Variants in KNDC1 observed in about 807,000 individuals in gnomAD.
KNDC1 encodes kinase non-catalytic C-lobe domain containing 1, also known as kinase non-catalytic C-lobe domain-containing protein 1.
Under a neutral mutation model 172.8 loss-of-function variants are expected in KNDC1, and 106 were observed. That is an observed-to-expected ratio of 0.61 (90% CI 0.52 to 0.72). The LOEUF (loss-of-function observed/expected upper bound fraction) is 0.72, where lower values mean the gene tolerates loss of function less well. Among genes scored for constraint, KNDC1 ranks in the 30% least tolerant of loss-of-function variants. KNDC1 has a pLI of 0.00. For missense variants in KNDC1, 2,325 were observed against 2,394.5 expected, an observed-to-expected ratio of 0.97 and a Z score of 0.61; for synonymous variants, 1,083 against 1,062.2, an observed-to-expected ratio of 1.02 and a Z score of -0.38.
rs752843554 is a variant in KNDC1 at position 133,183,954 on chromosome 10, G to T, written c.590G>T (p.Arg197Met). Residue 197 changes from arginine to methionine, a missense_variant, in exon 5 of 30, where the codon AGG (arginine) becomes ATG (methionine). Transcript: ENST00000304613. The stretch of plus-strand genomic sequence containing the variant: ...CGGAGCCTCTCTGCTGTGGGGAGGA[G>T]GGTCCTCTCCATCGAGTCCTTCGGA... Reference protein sequence around the residue: ...VCRSLSAVGRRVLSIESFGAL... With the variant: ...VCRSLSAVGRMVLSIESFGAL... 1.3e-6 allele frequency: 2 copies of T among 1,599,374 alleles called. No homozygotes were observed. Among genetic ancestry groups the T allele is most frequent in the South Asian group, 1.1e-5 (1 of 90,302 alleles).
rs774311574 is a variant in KNDC1 at position 133,186,537 on chromosome 10, G to A, written c.1189G>A (p.Glu397Lys). 6.8e-6 allele frequency: 11 copies of A among 1,611,622 alleles called. No individual in the cohort carries two copies. Among genetic ancestry groups the A allele is most frequent in the African/African-American group, 2.7e-5 (2 of 74,888 alleles). ...PGVPGSPGQP[E>K]TSHPSQGPAE... The stretch of plus-strand genomic sequence containing the variant: ...GGTGCCCGGCAGTCCAGGACAGCCC[G>A]AGACTTCACACCCCAGCCAGGGGCC... The change falls in exon 6 of 30, where the codon GAG becomes AAG. Residue 397 changes from glutamate (E) to lysine (K), a missense_variant. By Grantham distance (56) the Glu-to-Lys change is moderately conservative. Transcript: ENST00000304613.
chr10:133,198,446 C>T lies in KNDC1; in HGVS notation c.2016C>T (p.Ser672=), dbSNP rs753633375. 8.3e-5 allele frequency: 133 copies of T among 1,603,812 alleles called. No homozygotes were observed. The South Asian group carries it at 1.2e-3, about 15-fold the overall frequency. ...EATQLPAAFT[S]EATHFKPIVL... Reference sequence around the variant, plus strand: ...CCCAGCTGCCTGCAGCGTTCACCTCCGAGGCCACGCACTTCAAGCCCATTG... The same window carrying T: ...CCCAGCTGCCTGCAGCGTTCACCTCTGAGGCCACGCACTTCAAGCCCATTG... Residue 672 remains serine, a synonymous_variant, in exon 13 of 30, where the codon TCC becomes TCT. Coordinates refer to ENST00000304613, the MANE Select transcript of KNDC1 (RefSeq NM_152643.8).
intron 23 of KNDC1, among the ~76,000 whole-genome samples, chr10:133,212,085 A>G (rs1237388722): frequency 6.6e-6 from 1 of 151,382 alleles, no homozygotes; most frequent in Non-Finnish European, 1.5e-5. Context: ...CCTTCACACA[A>G]TCCACACGTG....
chr10:133,198,486 G>C lies in KNDC1; in HGVS notation c.2056G>C (p.Ala686Pro), dbSNP rs370700626. The C allele has an allele frequency of 1.9e-6, 3 of 1,604,660 alleles. No individual in the cohort carries two copies. Among genetic ancestry groups the C allele is most frequent in the Non-Finnish European group, 2.6e-6 (3 of 1,175,168 alleles). Residue 686 changes from alanine (A) to proline (P), a missense_variant, in exon 13 of 30, where the codon GCA (alanine) becomes CCA (proline). Ala to Pro is a conservative substitution (Grantham distance 27). Coordinates refer to ENST00000304613, the MANE Select transcript of KNDC1 (RefSeq NM_152643.8). ...HFKPIVLAQNASVARDQPALA... is the reference protein window; with the variant it reads ...HFKPIVLAQNPSVARDQPALA... Reference sequence around the variant, plus strand: ...CAAGCCCATTGTCCTCGCGCAGAACGCAAGTGTGGCCAGGTGAGCATCGTC... The same window carrying C: ...CAAGCCCATTGTCCTCGCGCAGAACCCAAGTGTGGCCAGGTGAGCATCGTC...
chr10:133,164,702 G>A lies in KNDC1; in HGVS notation c.103-2679G>A, dbSNP rs375610077. Among the ~76,000 whole-genome samples the A allele has an allele frequency of 1.4e-3, 209 of 152,312 alleles. 3 individuals are homozygous for A. Among genetic ancestry groups the A allele is most frequent in the African/African-American group, 1.7e-3 (69 of 41,584 alleles). The stretch of plus-strand genomic sequence containing the variant: ...ACCTGGTAGCAAGGCTGAGAGCCCC[G>A]GGGTCTCCAAGGGCCCCTTCTGGAG... On this transcript the variant is annotated intron_variant, in intron 1 of 29. Coordinates refer to ENST00000304613, the MANE Select transcript of KNDC1 (RefSeq NM_152643.8).
At chr10:133,191,809 C>G (rs968520960) in intron 9 of KNDC1, among the ~76,000 whole-genome samples, 12 of 152,252 alleles carry the variant, frequency 7.9e-5, no homozygotes, top group African/African-American at 2.9e-4. Context: ...CCAAACCCCA[C>G]AGGAGCACTG....
chr10:133,195,798 C>T lies in KNDC1; in HGVS notation c.1711C>T (p.Pro571Ser). 1.3e-6 allele frequency: 2 copies of T among 1,578,350 alleles called. No homozygotes were observed. Among genetic ancestry groups the T allele is most frequent in the Non-Finnish European group, 1.7e-6 (2 of 1,162,884 alleles). Reference protein sequence around the residue: ...DMARRSAPERPSAAEAIKVCG... With the variant: ...DMARRSAPERSSAAEAIKVCG... ...GGCCAGGCGCAGTGCCCCGGAGCGGCCGTCCGCGGCTGAGGCCATCAAGGT... is the reference window on the plus strand; with the variant it reads ...GGCCAGGCGCAGTGCCCCGGAGCGGTCGTCCGCGGCTGAGGCCATCAAGGT... The change falls in exon 10 of 30, where the codon CCG (proline) becomes TCG (serine). Residue 571 changes from proline to serine, a missense_variant. Physicochemically the swap from Pro to Ser is moderately conservative, Grantham distance 74. Coordinates refer to ENST00000304613, the MANE Select transcript of KNDC1 (RefSeq NM_152643.8).
intron 3 of KNDC1, among the ~76,000 whole-genome samples, chr10:133,181,255 C>T (rs569030503): frequency 8.5e-5 from 13 of 152,360 alleles, no homozygotes; most frequent in South Asian, 6.2e-4. Flanking sequence ...AGCATCAGAG[C>T]GGAGGGGACG....
At position 133,219,885 on chromosome 10, in the gene KNDC1, G is replaced by T; in HGVS notation, c.4861-70G>T. The stretch of plus-strand genomic sequence containing the variant: ...CGCTGGGACTGGTTGGGCTGCGCTG[G>T]CCCCGGCTGAGGCTCCTGCACTGAC... On this transcript the variant is annotated intron_variant, in intron 28 of 29. Transcript: ENST00000304613. 5 of 1,451,090 alleles carry T rather than the reference G, an allele frequency of 3.4e-6. No homozygotes were observed. In the South Asian group the frequency reaches 5.4e-5, roughly 16 times the overall value. 89.9% of individuals were successfully genotyped at this position (1,451,090 alleles called of 1,614,324 possible).
chr10:133,213,783 C>A, intron 25 of KNDC1, 56 bp downstream of exon 25: 1 of 1,542,092 alleles, frequency 6.5e-7, no homozygotes, highest in South Asian at 1.1e-5. Context: ...GGGGGCTTCC[C>A]GTAAGAGTCT....
intron 21 of KNDC1, among the ~76,000 whole-genome samples, 161 bp downstream of exon 21, chr10:133,210,885 G>A (rs1487383686): frequency 1.3e-5 from 2 of 152,136 alleles, no homozygotes. Context: ...TGGAGGTGGA[G>A]GACACACAGG....
At chr10:133,214,581 C>T (rs1845439025) in intron 26 of KNDC1, among the ~76,000 whole-genome samples, 2 of 152,350 alleles carry the variant, frequency 1.3e-5, no homozygotes, top group African/African-American at 4.8e-5. Flanking sequence ...CACTCCACCC[C>T]AGGCCCCATC....
At chr10:133,211,951 A>G in intron 23 of KNDC1, 93 bp downstream of exon 23, 2 of 1,285,644 alleles carry the variant, frequency 1.6e-6, no homozygotes, top group Non-Finnish European at 2.1e-6. Context: ...ATGCACACAC[A>G]TACACACAAG....
intron 9 of KNDC1, among the ~76,000 whole-genome samples, chr10:133,195,310 G>C (rs12256986): frequency 2.6e-5 from 4 of 151,968 alleles, no homozygotes; most frequent in Admixed American, 2.6e-4. Context: ...GGGGGCTCCC[G>C]GGTCCGTGAG....
chr10:133,213,708 A>G lies in KNDC1; in HGVS notation c.4507A>G (p.Lys1503Glu). 1 of 1,613,988 alleles carries G rather than the reference A, an allele frequency of 6.2e-7. No individual in the cohort carries two copies. Among genetic ancestry groups the G allele is most frequent in the East Asian group, 2.2e-5 (1 of 44,852 alleles). Residue 1503 changes from lysine (K) to glutamate (E), a missense_variant, in exon 25 of 30, where the codon AAG becomes GAG. Transcript: ENST00000304613. ...LNSRALGVMD[K>E]STAIPKASSS... ...CTCACGGGCCCTGGGCGTCATGGAC[A>G]AGAGCACTGCCATCCCCAAGTGAGC...
Position 133,186,358 on chromosome 10 carries a change from T to C in KNDC1, c.1010T>C (p.Phe337Ser). ...GKSQLPISEL[F>S]SPDPRKAFLD... is the part of the protein sequence containing the mutation. ...AGCCAGCTGCCCATATCGGAATTAT[T>C]CTCTCCGGACCCCAGGAAGGCCTTT... The change falls in exon 6 of 30, where the codon TTC becomes TCC. Residue 337 changes from phenylalanine (F) to serine (S), a missense_variant. Transcript: ENST00000304613. 1.2e-6 allele frequency: 2 copies of C among 1,612,728 alleles called. No homozygotes were observed. Among genetic ancestry groups the C allele is most frequent in the Admixed American group, 3.3e-5 (2 of 60,018 alleles).
Position 133,186,665 on chromosome 10 carries a change from C to T in KNDC1, c.1317C>T (p.Ala439=), listed in dbSNP as rs766297714. 9 of 1,581,424 alleles carry T rather than the reference C, an allele frequency of 5.7e-6. No homozygotes were observed. Among genetic ancestry groups the T allele is most frequent in the Non-Finnish European group, 6.8e-6 (8 of 1,172,090 alleles). ...GAGCTAGGCAGCTGGAAAGTGCAGC[C>T]GCGGAGCAGGTGGGTGCCTGGGTCT... ...PEGARQLESA[A]AEQWVSLQDL... The change falls in exon 6 of 30, where the codon GCC becomes GCT. Residue 439 remains alanine, a synonymous_variant. Transcript: ENST00000304613.
chr10:133,172,483 G>T lies in KNDC1; in HGVS notation c.360+4171G>T, dbSNP rs74164111. 1.3e-3 allele frequency among the ~76,000 whole-genome samples: 194 copies of T among 152,270 alleles called. 1 individual carries two copies. The highest frequency in any genetic ancestry group is 4.4e-3 in the African/African-American group (184 of 41,530). ...GATTTACTAACGCTTGCTTCAGATT[G>T]TTGCGCATATTGGAGTGGACTGGCG... is the stretch of plus-strand genomic sequence containing the variant. On this transcript the variant is annotated intron_variant, in intron 3 of 29. Transcript: ENST00000304613.
intron 23 of KNDC1, among the ~76,000 whole-genome samples, chr10:133,212,333 C>T (rs1845386376): frequency 6.6e-6 from 1 of 152,242 alleles, no homozygotes; most frequent in African/African-American, 2.4e-5. Flanking sequence ...TCACATACCC[C>T]CTCCATGTTC....
Sources: allele counts gnomAD v4.1 joint callset (sites outside exome capture counted in the v4.1 genomes callset), GRCh38; gene constraint gnomAD v4.1.1; transcripts MANE v1.5; gene names NCBI Gene and HGNC (gene_info 2026-07-23, HGNC 2026-07-21).